The following RC3H2 variants were observed in gnomAD, a reference collection of about 807,000 sequenced individuals.
RC3H2 encodes ring finger and CCCH-type domains 2.
Under a neutral mutation model 133.3 loss-of-function variants are expected in RC3H2, and 31 were observed. The ratio of observed to expected loss-of-function variants is 0.23; its 90% CI spans 0.17 to 0.31. The LOEUF is 0.31. Ranked by LOEUF, RC3H2 falls within the 10% of genes least tolerant of loss-of-function variation. The pLI is 1.00. For synonymous variants in RC3H2, 517 were observed against 502.2 expected (o/e 1.03, Z -0.40); for missense variants, 1,175 against 1,437.2 (o/e 0.82, Z 2.95).
chr9:122,878,369 C>A (rs2131454157), intron 8 of RC3H2, among the ~76,000 whole-genome samples: 1 of 152,054 alleles, frequency 6.6e-6, no homozygotes, highest in South Asian at 2.1e-4. Context: ...CGGGTTCAGG[C>A]CATTCTCCCT....
Position 122,849,485 on chromosome 9 carries a change from AAAGAGTCC to A in RC3H2, c.*134_*141del. 1 of 254,154 alleles carries A rather than the reference AAAGAGTCC, an allele frequency of 3.9e-6. No individual in the cohort carries two copies. Among genetic ancestry groups the A allele is most frequent in the Non-Finnish European group, 7.0e-6 (1 of 143,254 alleles). The allele number at this position is 254,154 out of a possible 1,614,324, so 15.7% of individuals were successfully genotyped here. Reference sequence around the variant, plus strand: ...CTAATGCAAGAGGGCTTGAAGTATCAAAGAGTCCACAGGAAATGGATGCCCCCAGTAAT... The same window carrying A: ...CTAATGCAAGAGGGCTTGAAGTATCAACAGGAAATGGATGCCCCCAGTAAT... On this transcript the variant is annotated 3_prime_UTR_variant, in exon 21 of 21. Coordinates refer to ENST00000357244, the MANE Select transcript of RC3H2 (RefSeq NM_001100588.3).
chr9:122,867,970 C>G (rs1220554429), intron 9 of RC3H2, among the ~76,000 whole-genome samples: 2 of 61,486 alleles, frequency 3.3e-5, no homozygotes, highest in Admixed American at 1.5e-4. Flanking sequence ...CCCGGCCAGC[C>G]GCCCCGTCCG....
intron 9 of RC3H2, among the ~76,000 whole-genome samples, chr9:122,872,920 A>G (rs1831161851): frequency 6.6e-6 from 1 of 152,216 alleles, no homozygotes; most frequent in African/African-American, 2.4e-5. Flanking sequence ...CTCGCTTTTG[A>G]CACTCCCCAG....
At position 122,866,393 on chromosome 9, in the gene RC3H2, C is replaced by T. The variant is rs1189933137; in HGVS notation, c.1326-736G>A. 6.5e-3 allele frequency among the ~76,000 whole-genome samples: 831 copies of T among 128,832 alleles called. 18 individuals are homozygous for T. The highest frequency in any genetic ancestry group is 0.023 in the African/African-American group (781 of 33,592). The allele number at this position is 128,832 out of a possible 152,430, so 84.5% of individuals were successfully genotyped here. ...TCCCCCTCCCCCCTCCCTCTCCCCA[C>T]GGTCTCCCTCTCCCCACGGTCTCCC... On this transcript the variant is annotated intron_variant, in intron 9 of 20. Coordinates refer to ENST00000357244, the MANE Select transcript of RC3H2 (RefSeq NM_001100588.3).
chr9:122,868,100 C>G (rs1588074054), intron 9 of RC3H2, among the ~76,000 whole-genome samples: 1 of 142,380 alleles, frequency 7.0e-6, no homozygotes, highest in South Asian at 2.4e-4. Context: ...GGCCAGCCAC[C>G]CCGTCCAGGA....
chr9:122,888,877 A>G (rs911191850), intron 4 of RC3H2, among the ~76,000 whole-genome samples: 3 of 152,168 alleles, frequency 2.0e-5, no homozygotes, highest in Admixed American at 6.5e-5. Context: ...CACAGAGGTA[A>G]TATTTTCAGA....
At chr9:122,899,301 G>C (rs1564323093) in intron 1 of RC3H2, among the ~76,000 whole-genome samples, 1 of 151,812 alleles carries the variant, frequency 6.6e-6, no homozygotes, top group South Asian at 2.1e-4. Context: ...TGTTGGCCAG[G>C]CTGGTCTTGA....
intron 1 of RC3H2, among the ~76,000 whole-genome samples, chr9:122,903,369 G>C (rs1360778482): frequency 6.6e-6 from 1 of 152,068 alleles, no homozygotes; most frequent in Non-Finnish European, 1.5e-5. Flanking sequence ...TTTTTTTAGC[G>C]TTCTTAGCTA....
At chr9:122,868,883 GTGTGTGTATGTGT>G (rs1205000685) in intron 9 of RC3H2, among the ~76,000 whole-genome samples, 3 of 10,226 alleles carry the variant, frequency 2.9e-4, no homozygotes, top group African/African-American at 6.6e-4. Flanking sequence ...GTGTGTGTGT[GTGTGTGTATGTGT>G]TTTTTTTTTT....
chr9:122,881,362 C>T (rs912975363), intron 5 of RC3H2, among the ~76,000 whole-genome samples: 2 of 149,366 alleles, frequency 1.3e-5, no homozygotes, highest in African/African-American at 4.9e-5. Flanking sequence ...TGGTGGCAGG[C>T]GCCTGTACTC....
intron 9 of RC3H2, among the ~76,000 whole-genome samples, chr9:122,867,541 G>C (rs1475864118): frequency 2.1e-4 from 4 of 18,622 alleles, no homozygotes; most frequent in East Asian, 8.3e-4. Flanking sequence ...TCTGGGACGT[G>C]AGGAGCCCCT....
chr9:122,852,974 A>G (rs1025898668), intron 18 of RC3H2, among the ~76,000 whole-genome samples: 15 of 152,328 alleles, frequency 9.8e-5, no homozygotes, highest in Admixed American at 3.9e-4. Context: ...GAGAAATCGG[A>G]TGGTAGCCGT....
chr9:122,865,640 T>G lies in RC3H2; in HGVS notation c.1343A>C (p.Lys448Thr). 1 of 1,611,832 alleles carries G rather than the reference T, an allele frequency of 6.2e-7. No homozygotes were observed. Among genetic ancestry groups the G allele is most frequent in the Non-Finnish European group, 8.5e-7 (1 of 1,179,400 alleles). ...CGTTCTTACAGTGGCATTGATCTTT[T>G]TGTTCCTTAATCGATACCTGTTTCA... ...EELEKYRLRN[K>T]KINATVRTFP... The change falls in exon 10 of 21, where the codon AAA becomes ACA. Residue 448 changes from lysine to threonine, a missense_variant. Physicochemically the swap from Lys to Thr is moderately conservative, Grantham distance 78. Transcript: ENST00000357244.
In RC3H2 at chr9:122,858,810, G is replaced by A. The variant is rs768220021; in HGVS notation, c.2142C>T (p.Ser714=). 6.2e-7 allele frequency: 1 copy of A among 1,614,290 alleles called. No individual in the cohort carries two copies. Among genetic ancestry groups the A allele is most frequent in the Non-Finnish European group, 8.5e-7 (1 of 1,180,060 alleles). The change falls in exon 12 of 21, where the codon AGC becomes AGT. Residue 714 remains serine, a synonymous_variant. Coordinates refer to ENST00000357244, the MANE Select transcript of RC3H2 (RefSeq NM_001100588.3). ...TCACATCCATTGGAGGTAAAGAATT[G>A]CTTCTAATAATGTCATCTCGTTGGT... ...PMYQRDDIIR[S]NSLPPMDVMH...
At chr9:122,854,662 G>C in intron 15 of RC3H2, 47 bp from the exon 16 acceptor site, 1 of 1,195,576 alleles carries the variant, frequency 8.4e-7, no homozygotes, top group Non-Finnish European at 1.3e-6. Flanking sequence ...TGAAAAATCA[G>C]TGTACTGAGG....
intron 6 of RC3H2, 59 bp from the exon 7 acceptor site, chr9:122,880,184 A>G (rs776481189): frequency 3.3e-6 from 5 of 1,524,792 alleles, no homozygotes; most frequent in Non-Finnish European, 4.5e-6. Context: ...TTTATACTCA[A>G]ATACTTTCAA....
rs1308427390 is a variant in RC3H2, at chr9:122,879,840, T to A, written c.1127A>T (p.Asn376Ile). Residue 376 changes from asparagine to isoleucine, a missense_variant, in exon 8 of 21, where the codon AAT becomes ATT. Physicochemically the swap from Asn to Ile is moderately radical, Grantham distance 149 (BLOSUM62 -3). Transcript: ENST00000357244. ...AVSPTWEQLE[N>I]AMVAVKTVVH... ...TACTGTTTTAACAGCTACCATTGCA[T>A]TTTCCAGCTGCTCCCAAGTTGGTGA... The A allele has an allele frequency of 4.3e-6, 7 of 1,613,990 alleles. No individual in the cohort carries two copies. The Admixed American group carries it at 1.2e-4, about 27-fold the overall frequency.
intron 4 of RC3H2, among the ~76,000 whole-genome samples, chr9:122,887,542 G>C (rs1323214620): frequency 1.3e-5 from 2 of 151,936 alleles, no homozygotes; most frequent in African/African-American, 4.8e-5. Context: ...AAAGAGCCCT[G>C]CCTCCTTTTA....
intron 6 of RC3H2, 70 bp downstream of exon 6, chr9:122,880,524 C>A: frequency 8.2e-7 from 1 of 1,222,706 alleles, no homozygotes; most frequent in South Asian, 1.2e-5. Flanking sequence ...TGTATAGACT[C>A]TTTAGAATAT....
Sources: allele counts gnomAD v4.1 joint callset (sites outside exome capture counted in the v4.1 genomes callset), GRCh38; gene constraint gnomAD v4.1.1; transcripts MANE v1.5; gene names NCBI Gene and HGNC (gene_info 2026-07-23, HGNC 2026-07-21).